NSD1: variants seen among roughly 807,000 people sequenced by gnomAD.
NSD1 encodes the protein nuclear receptor binding SET domain protein 1.
A neutral mutation model predicts 242.7 loss-of-function variants in NSD1; 26 were observed. That is an observed-to-expected ratio of 0.11 (90% CI 0.08 to 0.15). The LOEUF is 0.15. Among genes scored for constraint, NSD1 ranks in the 10% least tolerant of loss-of-function variants. The pLI is 1.00. For missense variants in NSD1, 2,495 were observed against 3,272.8 expected (o/e 0.76, Z 5.80); for synonymous variants, 1,106 against 1,178.1 (o/e 0.94, Z 1.25).
Position 177,288,931 on chromosome 5 carries a change from A to G in NSD1, c.6258+6A>G. 1 of 1,600,234 alleles carries G rather than the reference A, an allele frequency of 6.2e-7. No homozygotes were observed. Among genetic ancestry groups the G allele is most frequent in the Non-Finnish European group, 8.6e-7 (1 of 1,167,478 alleles). ...TCTTGGGTGTAAGGCCAAAGGTACC[A>G]CCCTTCTAGACTTCTGCTTTGGGAT... On this transcript the variant is annotated splice_donor_region_variant and intron_variant, in intron 21 of 22. Transcript: ENST00000439151.
At chr5:177,136,144 TC>T (rs1756311142) in intron 2 of NSD1, 114 bp downstream of exon 2, 1 of 888,114 alleles carries the variant, frequency 1.1e-6, no homozygotes, top group African/African-American at 1.7e-5. Context: ...ACAGCTGAAA[TC>T]CTATTGCTAA....
At chr5:177,287,249 C>A (rs868330680) in intron 20 of NSD1, among the ~76,000 whole-genome samples, 2 of 152,254 alleles carry the variant, frequency 1.3e-5, no homozygotes, top group African/African-American at 4.8e-5. Flanking sequence ...TGACAAGTAT[C>A]CTGCTTTCTT....
Position 177,211,387 on chromosome 5 carries a change from T to G in NSD1, c.2988T>G (p.Pro996=). Residue 996 remains proline, a synonymous_variant, in exon 5 of 23, where the codon CCT becomes CCG. Transcript: ENST00000439151. The stretch of plus-strand genomic sequence containing the variant: ...CTGGCGAGTTGTCTGCTTCCCTACC[T>G]GGCTTACTGTCCGACAAGAGAGACC... ...ALSGELSASL[P]GLLSDKRDLP... The G allele has an allele frequency of 6.2e-7, 1 of 1,614,140 alleles. No individual in the cohort carries two copies. The highest frequency in any genetic ancestry group is 8.5e-7 in the Non-Finnish European group (1 of 1,180,030).
intron 5 of NSD1, among the ~76,000 whole-genome samples, chr5:177,218,470 T>G (rs1375921382): frequency 6.6e-6 from 1 of 152,208 alleles, no homozygotes; most frequent in Non-Finnish European, 1.5e-5. Flanking sequence ...TTTGGGGTCC[T>G]TTATTCTGTT....
chr5:177,235,698 A>C (rs1022185452), intron 5 of NSD1, 123 bp from the exon 6 acceptor site: 11 of 1,281,324 alleles, frequency 8.6e-6, no homozygotes, highest in Admixed American at 6.4e-5. Context: ...ATCTTAAGCC[A>C]TAGTCTATTT....
At chr5:177,275,435 CTTTTTT>C (rs749631943) in intron 17 of NSD1, among the ~76,000 whole-genome samples, 1 of 50,146 alleles carries the variant, frequency 2.0e-5, no homozygotes. Flanking sequence ...CTTCCCTTGT[CTTTTTT>C]TTTTTTTTTT....
At position 177,238,616 on chromosome 5, in the gene NSD1, A is replaced by G; in HGVS notation, c.4192+109A>G. 1 of 1,254,178 alleles carries G rather than the reference A, an allele frequency of 8.0e-7. No individual in the cohort carries two copies. Among genetic ancestry groups the G allele is most frequent in the Non-Finnish European group, 1.1e-6 (1 of 870,788 alleles). The allele number at this position is 1,254,178 out of a possible 1,614,324, so 77.7% of individuals were successfully genotyped here. The stretch of plus-strand genomic sequence containing the variant: ...ACATTGTATCTATATACAATAAACT[A>G]CCCCCTTTTGTCCTGGGAAATACTT... On this transcript the variant is annotated intron_variant, in intron 7 of 22. Transcript: ENST00000439151. The surrounding 1 kb of genome is among the most constrained non-coding windows in gnomAD (Gnocchi z 4.6).
At chr5:177,181,208 C>T (rs1402381151) in intron 2 of NSD1, among the ~76,000 whole-genome samples, 4 of 151,618 alleles carry the variant, frequency 2.6e-5, no homozygotes, top group South Asian at 2.1e-4. Context: ...CACTTGAATT[C>T]GGGAAGGAAG....
At chr5:177,199,027 T>C (rs1183775755) in intron 3 of NSD1, among the ~76,000 whole-genome samples, 1 of 152,244 alleles carries the variant, frequency 6.6e-6, no homozygotes, top group African/African-American at 2.4e-5. Flanking sequence ...TTAGAATTTT[T>C]CGACCTTACA....
At position 177,265,971 on chromosome 5, in the gene NSD1, C is replaced by T. The variant is rs1757408579; in HGVS notation, c.5147-1591C>T. On this transcript the variant is annotated intron_variant, in intron 14 of 22. Transcript: ENST00000439151. Reference sequence around the variant, plus strand: ...GCGTTGGTAACCAGCTGTTTGAGGTCCACCACATCCACTAGGGTTTCCTTG... The same window carrying T: ...GCGTTGGTAACCAGCTGTTTGAGGTTCACCACATCCACTAGGGTTTCCTTG... 1.1e-5 allele frequency: 12 copies of T among 1,086,116 alleles called. No homozygotes were observed. The South Asian group carries it at 1.4e-4, about 13-fold the overall frequency. The allele number at this position is 1,086,116 out of a possible 1,614,324, so 67.3% of individuals were successfully genotyped here. A position where few individuals can be genotyped will look rare whatever the true frequency, so the allele number is the denominator to read the frequency against.
chr5:177,215,964 G>T (rs1763739524), intron 5 of NSD1, among the ~76,000 whole-genome samples: 1 of 152,152 alleles, frequency 6.6e-6, no homozygotes, highest in South Asian at 2.1e-4. Flanking sequence ...GGGCTCAAGT[G>T]ATCCTCCTAT....
intron 3 of NSD1, among the ~76,000 whole-genome samples, chr5:177,203,473 T>A (rs1013877795): frequency 6.6e-6 from 1 of 152,214 alleles, no homozygotes; most frequent in Non-Finnish European, 1.5e-5. Flanking sequence ...TGCATTTCAC[T>A]TTCTTTGCAA....
At chr5:177,152,763 C>T (rs1192074814) in intron 2 of NSD1, among the ~76,000 whole-genome samples, 2 of 151,658 alleles carry the variant, frequency 1.3e-5, no homozygotes, top group African/African-American at 4.8e-5. Flanking sequence ...TGCGCCTGGC[C>T]ATTTCTTTTT....
rs780835645 is a variant in NSD1 at position 177,273,659 on chromosome 5, T to A, written c.5510-13T>A. On this transcript the variant is annotated splice_polypyrimidine_tract_variant and intron_variant, in intron 16 of 22. Coordinates refer to ENST00000439151, the MANE Select transcript of NSD1 (RefSeq NM_022455.5). ...AGAGATTTTGAAGTGACTTGTGCTG[T>A]CTGTTTTCATAGCTCTTCAGGAAGC... 19 of 1,583,250 alleles carry A rather than the reference T, an allele frequency of 1.2e-5. No homozygotes were observed. Among genetic ancestry groups the A allele is most frequent in the Non-Finnish European group, 1.5e-5 (17 of 1,152,092 alleles).
Position 177,238,573 on chromosome 5 carries a change from T to C in NSD1, c.4192+66T>C. 1 of 1,571,226 alleles carries C rather than the reference T, an allele frequency of 6.4e-7. No individual in the cohort carries two copies. Among genetic ancestry groups the C allele is most frequent in the South Asian group, 1.1e-5 (1 of 90,172 alleles). ...TTAGAGGAAGCAGGAGATTTTAGTA[T>C]GTTTTGATGTAAAGCCAACATTGTA... On this transcript the variant is annotated intron_variant, in intron 7 of 22. Coordinates refer to ENST00000439151, the MANE Select transcript of NSD1 (RefSeq NM_022455.5). This position sits in a 1 kb window ranked among gnomAD's most constrained non-coding sequence, Gnocchi z 4.6.
chr5:177,288,757 T>C, intron 20 of NSD1, 62 bp from the exon 21 acceptor site: 1 of 1,219,786 alleles, frequency 8.2e-7, no homozygotes. Context: ...TCCTTTGTAA[T>C]TAATACAGAA....
Position 177,273,754 on chromosome 5 carries a change from C to T in NSD1, c.5592C>T (p.Asp1864=). 2 of 1,613,414 alleles carry T rather than the reference C, an allele frequency of 1.2e-6. No homozygotes were observed. Among genetic ancestry groups the T allele is most frequent in the South Asian group, 1.1e-5 (1 of 91,070 alleles). The part of the protein sequence containing the change: ...LRQLQEDRKN[D]KKPPPYKHIK... ...AGCTGCAGGAAGACCGAAAGAATGA[C>T]AAGAAGCCACCACCTTATAAACATA... is the stretch of plus-strand genomic sequence containing the variant. Residue 1864 remains aspartate, a synonymous_variant, in exon 17 of 23, where the codon GAC becomes GAT. Coordinates refer to ENST00000439151, the MANE Select transcript of NSD1 (RefSeq NM_022455.5).
chr5:177,154,187 G>A (rs1757944424), intron 2 of NSD1, among the ~76,000 whole-genome samples: 1 of 151,914 alleles, frequency 6.6e-6, no homozygotes, highest in African/African-American at 2.4e-5. Flanking sequence ...GGCTTTTCCC[G>A]GAGTGAGTGA....
At position 177,283,823 on chromosome 5, in the gene NSD1, G is replaced by T. The variant is rs1232912131; in HGVS notation, c.6046G>T (p.Ala2016Ser). 1 of 1,614,192 alleles carries T rather than the reference G, an allele frequency of 6.2e-7. No homozygotes were observed. Among genetic ancestry groups the T allele is most frequent in the Non-Finnish European group, 8.5e-7 (1 of 1,180,032 alleles). The part of the protein sequence containing the change: ...IIDAGPKGNY[A>S]RFMNHCCQPN... ...TGATGCTGGTCCCAAAGGAAACTATGCTCGGTTCATGAATCATTGCTGCCA... is the reference window on the plus strand; with the variant it reads ...TGATGCTGGTCCCAAAGGAAACTATTCTCGGTTCATGAATCATTGCTGCCA... Residue 2016 changes from alanine (A) to serine (S), a missense_variant, in exon 20 of 23, where the codon GCT becomes TCT. Ala to Ser is a moderately conservative substitution (Grantham distance 99, BLOSUM62 1). Transcript: ENST00000439151.
Sources: gnomAD v4.1 joint callset for allele counts (sites outside exome capture counted in the v4.1 genomes callset) on GRCh38, gnomAD v4.1.1 for gene constraint, Gnocchi (gnomAD v3.1) non-coding constraint, MANE v1.5 for transcripts, NCBI Gene and HGNC (gene_info 2026-07-23, HGNC 2026-07-21) for gene names.